The following ADAMTSL1 variants were observed in gnomAD, a reference collection of about 807,000 sequenced individuals.
The protein encoded by ADAMTSL1 is ADAMTS like 1.
Under a neutral mutation model 201.8 loss-of-function variants are expected in ADAMTSL1, and 126 were observed. The ratio of observed to expected loss-of-function variants is 0.62; its 90% CI spans 0.54 to 0.72. The LOEUF (loss-of-function observed/expected upper bound fraction) is 0.72. ADAMTSL1 is among the 30% of genes least tolerant of loss of function. The pLI is 0.00. For synonymous variants in ADAMTSL1, 1,121 were observed against 903.4 expected (o/e 1.24, Z -4.32); for missense variants, 2,679 against 2,277.8 (o/e 1.18, Z -3.59).
intron 2 of ADAMTSL1, among the ~76,000 whole-genome samples, chr9:18,264,190 A>G (rs910376936): frequency 6.6e-6 from 1 of 152,032 alleles, no homozygotes; most frequent in Non-Finnish European, 1.5e-5. Context: ...TTATTTATTT[A>G]TTATTATTAA....
chr9:18,856,392 C>G (rs1420339160), intron 23 of ADAMTSL1, among the ~76,000 whole-genome samples: 2 of 149,244 alleles, frequency 1.3e-5, no homozygotes, highest in East Asian at 3.9e-4. Context: ...TTTTAAAGAA[C>G]TTTTAGTTTT....
chr9:18,819,654 T>C (rs1824088796), intron 21 of ADAMTSL1, among the ~76,000 whole-genome samples: 2 of 152,194 alleles, frequency 1.3e-5, no homozygotes, highest in South Asian at 4.1e-4. Flanking sequence ...CTTGATAACC[T>C]TATAGTGAGA....
At chr9:18,424,446 A>G (rs1298985829) in intron 2 of ADAMTSL1, among the ~76,000 whole-genome samples, 1 of 152,182 alleles carries the variant, frequency 6.6e-6, no homozygotes, top group African/African-American at 2.4e-5. Context: ...CATCTCCTAC[A>G]TTACCATCAA....
chr9:18,886,207 T>C (rs1467507666), intron 23 of ADAMTSL1, among the ~76,000 whole-genome samples: 132 of 120,880 alleles, frequency 1.1e-3, no homozygotes, highest in African/African-American at 4.3e-3. Flanking sequence ...TATATATATA[T>C]ATATACACAC....
At chr9:18,580,450 T>C (rs1270509220) in intron 4 of ADAMTSL1, among the ~76,000 whole-genome samples, 1 of 152,200 alleles carries the variant, frequency 6.6e-6, no homozygotes, top group East Asian at 1.9e-4. Context: ...GCGTTGGACA[T>C]TTTTTCTTCT....
At chr9:18,122,882 G>C (rs1460119995) in intron 1 of ADAMTSL1, among the ~76,000 whole-genome samples, 1 of 151,868 alleles carries the variant, frequency 6.6e-6, no homozygotes, top group African/African-American at 2.4e-5. Flanking sequence ...AGGACTATTG[G>C]TGTGTACCTC....
chr9:18,433,354 A>G (rs1034887142), intron 2 of ADAMTSL1, among the ~76,000 whole-genome samples: 2 of 152,154 alleles, frequency 1.3e-5, no homozygotes, highest in South Asian at 2.1e-4. Flanking sequence ...GAAGTGAAAC[A>G]TAACAGAATG....
At chr9:18,468,492 C>T (rs1291613771) in intron 2 of ADAMTSL1, among the ~76,000 whole-genome samples, 1 of 152,106 alleles carries the variant, frequency 6.6e-6, no homozygotes. Context: ...TTATCTCCTA[C>T]TTGTATCAGG....
At chr9:18,884,366 T>C (rs1367772587) in intron 23 of ADAMTSL1, among the ~76,000 whole-genome samples, 1 of 152,192 alleles carries the variant, frequency 6.6e-6, no homozygotes, top group Non-Finnish European at 1.5e-5. Flanking sequence ...ATTCTGTGAG[T>C]TGCTTTTTCA....
At chr9:18,158,895 C>G (rs1292900044) in intron 1 of ADAMTSL1, among the ~76,000 whole-genome samples, 1 of 151,928 alleles carries the variant, frequency 6.6e-6, no homozygotes, top group Non-Finnish European at 1.5e-5. Flanking sequence ...TAGATTTGGG[C>G]TCTTCAGATC....
chr9:18,389,001 C>T (rs1837931776), intron 2 of ADAMTSL1, among the ~76,000 whole-genome samples: 1 of 152,146 alleles, frequency 6.6e-6, no homozygotes. Flanking sequence ...ATGATCCACC[C>T]TCCTCGGCCT....
At position 18,190,653 on chromosome 9, in the gene ADAMTSL1, G is replaced by A. The variant is rs188695138; in HGVS notation, c.207+26672G>A. On this transcript the variant is annotated intron_variant, in intron 2 of 29. Coordinates refer to the ADAMTSL1 transcript ENST00000680146. The stretch of plus-strand genomic sequence containing the variant: ...AACCCATTAAATAAATCCTGCTGAA[G>A]AATTATAACTGTTGTTTGAAATGTG... 4.4e-4 allele frequency among the ~76,000 whole-genome samples: 67 copies of A among 152,268 alleles called. No individual in the cohort carries two copies. In the East Asian group the frequency reaches 7.9e-3, roughly 18 times the overall value.
At chr9:18,568,136 A>G (rs1423664947) in intron 3 of ADAMTSL1, among the ~76,000 whole-genome samples, 1 of 152,224 alleles carries the variant, frequency 6.6e-6, no homozygotes, top group African/African-American at 2.4e-5. Context: ...AAGGGGGACT[A>G]CTGTATATAA....
rs544419848 is a variant in ADAMTSL1 at position 18,575,933 on chromosome 9, T to A, written c.474+1667T>A. The stretch of plus-strand genomic sequence containing the variant: ...TGCATGGGAGTTCAACGTGGCATAT[T>A]TTTTCCTAAACTAATCCTGCCAGCA... On this transcript the variant is annotated intron_variant, in intron 4 of 28. Coordinates refer to ENST00000380548, the MANE Select transcript of ADAMTSL1 (RefSeq NM_001040272.6). 7.2e-5 allele frequency among the ~76,000 whole-genome samples: 11 copies of A among 152,280 alleles called. No individual in the cohort carries two copies. In the East Asian group the frequency reaches 1.9e-3, roughly 27 times the overall value.
intron 1 of ADAMTSL1, among the ~76,000 whole-genome samples, chr9:17,978,548 A>T (rs1363911647): frequency 6.6e-6 from 1 of 151,596 alleles, no homozygotes; most frequent in Non-Finnish European, 1.5e-5. Context: ...CTTAACTTTG[A>T]TTGCTTATGA....
At chr9:18,511,583 C>T (rs1044962352) in intron 2 of ADAMTSL1, among the ~76,000 whole-genome samples, 2 of 151,932 alleles carry the variant, frequency 1.3e-5, no homozygotes, top group African/African-American at 2.4e-5. Flanking sequence ...AACATAAATA[C>T]AGAAAAAGTA....
chr9:18,578,061 C>T (rs1366583651), intron 4 of ADAMTSL1, among the ~76,000 whole-genome samples: 3 of 151,196 alleles, frequency 2.0e-5, no homozygotes, highest in Non-Finnish European at 4.4e-5. Context: ...AAAGCAGGGC[C>T]TTTGAGATGA....
At chr9:18,795,286 A>T in intron 19 of ADAMTSL1, 111 bp from the exon 20 acceptor site, 1 of 1,412,486 alleles carries the variant, frequency 7.1e-7, no homozygotes, top group Non-Finnish European at 9.6e-7. Context: ...CTCTGTTGTT[A>T]AAACAGGGTT....
intron 2 of ADAMTSL1, among the ~76,000 whole-genome samples, chr9:18,272,649 A>C (rs2132586754): frequency 6.6e-6 from 1 of 152,306 alleles, no homozygotes; most frequent in South Asian, 2.1e-4. Flanking sequence ...TAGGATTTCT[A>C]AGAGAAGGCA....
Sources: allele counts gnomAD v4.1 joint callset (sites outside exome capture counted in the v4.1 genomes callset), GRCh38; gene constraint gnomAD v4.1.1; transcripts MANE v1.5; gene names NCBI Gene and HGNC (gene_info 2026-07-23, HGNC 2026-07-21).